The following LIPK variants were observed in gnomAD, a reference collection of about 807,000 sequenced individuals.
LIPK encodes lipase family member K.
Under a neutral mutation model 48.6 loss-of-function variants are expected in LIPK, and 32 were observed. The ratio of observed to expected loss-of-function variants is 0.66; its 90% CI spans 0.50 to 0.88. The LOEUF is 0.88. Ranked by LOEUF, LIPK falls within the 40% of genes least tolerant of loss-of-function variation. The pLI is 0.00. For missense variants in LIPK, 507 were observed against 478.5 expected, an observed-to-expected ratio of 1.06 and a Z score of -0.56; for synonymous variants, 164 against 157.4, an observed-to-expected ratio of 1.04 and a Z score of -0.32.
At chr10:88,739,591 C>T (rs916154745) in intron 7 of LIPK, among the ~76,000 whole-genome samples, 4 of 152,020 alleles carry the variant, frequency 2.6e-5, no homozygotes, top group South Asian at 2.1e-4. Context: ...TGCAGTGGCT[C>T]ACACCTGTAA....
At chr10:88,712,911 A>AT (rs2134684643) in intron 1 of LIPK, among the ~76,000 whole-genome samples, 1 of 152,342 alleles carries the variant, frequency 6.6e-6, no homozygotes, top group East Asian at 1.9e-4. Flanking sequence ...GGTCAGATAT[A>AT]AGGAAACTGA....
chr10:88,712,043 C>T (rs967386066), intron 1 of LIPK, among the ~76,000 whole-genome samples: 1 of 152,092 alleles, frequency 6.6e-6, no homozygotes, highest in Non-Finnish European at 1.5e-5. Flanking sequence ...AATACTTTCT[C>T]ATTGAAATAC....
chr10:88,725,695 C>G (rs1842323380), intron 2 of LIPK, among the ~76,000 whole-genome samples: 1 of 152,202 alleles, frequency 6.6e-6, no homozygotes, highest in Non-Finnish European at 1.5e-5. Flanking sequence ...AATTCCATCT[C>G]AAAGGCCTCT....
At chr10:88,724,010 G>A (rs1842284947) in intron 1 of LIPK, among the ~76,000 whole-genome samples, 1 of 152,030 alleles carries the variant, frequency 6.6e-6, no homozygotes, top group Non-Finnish European at 1.5e-5. Flanking sequence ...TATACCCAGT[G>A]TTTATATACA....
intron 9 of LIPK, among the ~76,000 whole-genome samples, chr10:88,746,770 G>A (rs541748783): frequency 6.6e-6 from 1 of 152,106 alleles, no homozygotes; most frequent in East Asian, 1.9e-4. Flanking sequence ...CAAAATTACA[G>A]CTTAACTGAA....
At chr10:88,723,749 A>G (rs1467911467) in intron 1 of LIPK, among the ~76,000 whole-genome samples, 1 of 152,130 alleles carries the variant, frequency 6.6e-6, no homozygotes, top group Admixed American at 6.5e-5. Context: ...TCTAGATATA[A>G]CTATAATTAA....
chr10:88,708,694 AT>A (rs1285373676), intron 1 of LIPK, among the ~76,000 whole-genome samples: 4 of 152,098 alleles, frequency 2.6e-5, no homozygotes, highest in Non-Finnish European at 5.9e-5. Flanking sequence ...GATGCCTAAT[AT>A]CATCCATTTA....
chr10:88,737,558 C>G (rs754876235), intron 6 of LIPK, 77 bp from the exon 7 acceptor site: 42 of 1,481,356 alleles, frequency 2.8e-5, no homozygotes, highest in Non-Finnish European at 3.8e-5. Context: ...CTGTGCAGTC[C>G]TTCTTTGAAC....
At chr10:88,727,196 C>T (rs1021399069) in intron 3 of LIPK, among the ~76,000 whole-genome samples, 12 of 152,188 alleles carry the variant, frequency 7.9e-5, no homozygotes, top group African/African-American at 2.7e-4. Context: ...ACCTCTGTCC[C>T]GTTTTGAAAA....
intron 9 of LIPK, among the ~76,000 whole-genome samples, 196 bp from the exon 10 acceptor site, chr10:88,752,321 T>C (rs1041386029): frequency 4.9e-4 from 75 of 152,356 alleles, no homozygotes; most frequent in African/African-American, 1.6e-3. Context: ...AATTGTTTTT[T>C]TCGATTCACA....
intron 1 of LIPK, among the ~76,000 whole-genome samples, chr10:88,713,640 C>G (rs1842063637): frequency 6.6e-6 from 1 of 151,996 alleles, no homozygotes; most frequent in Non-Finnish European, 1.5e-5. Context: ...CATCACCACA[C>G]CATGTAAAAA....
chr10:88,725,999 G>C (rs1017285629), intron 2 of LIPK, among the ~76,000 whole-genome samples: 9 of 152,248 alleles, frequency 5.9e-5, no homozygotes, highest in African/African-American at 2.2e-4. Flanking sequence ...CTTCCTCCCT[G>C]TGAAGTCAAC....
At chr10:88,729,257 G>GT (rs753349362) in intron 3 of LIPK, among the ~76,000 whole-genome samples, 17 of 28,784 alleles carry the variant, frequency 5.9e-4, no homozygotes, top group South Asian at 3.2e-3. Context: ...TCTGTTGGGG[G>GT]GGGGGGGCGG....
intron 1 of LIPK, among the ~76,000 whole-genome samples, chr10:88,718,233 C>T (rs949869667): frequency 6.7e-6 from 1 of 150,256 alleles, no homozygotes; most frequent in African/African-American, 2.4e-5. Flanking sequence ...ATGTCTTTCA[C>T]TAATATTATA....
At chr10:88,707,371 G>T (rs1158063523) in intron 1 of LIPK, among the ~76,000 whole-genome samples, 1 of 151,962 alleles carries the variant, frequency 6.6e-6, no homozygotes, top group African/African-American at 2.4e-5. Context: ...TAAGGACATT[G>T]AGGGAAAAAT....
intron 1 of LIPK, among the ~76,000 whole-genome samples, chr10:88,722,026 G>T (rs968194611): frequency 1.3e-5 from 2 of 152,150 alleles, no homozygotes; most frequent in Non-Finnish European, 2.9e-5. Flanking sequence ...GGCCAGGTGC[G>T]GTGGCTCACT....
Position 88,732,552 on chromosome 10 carries a change from G to C in LIPK, c.669+1G>C, listed in dbSNP as rs372561389. 1.9e-6 allele frequency: 3 copies of C among 1,591,610 alleles called. No homozygotes were observed. The African/African-American group carries it at 4.1e-5, about 22-fold the overall frequency. On this transcript the variant is annotated splice_donor_variant, in intron 6 of 9. Coordinates refer to ENST00000404190, the MANE Select transcript of LIPK (RefSeq NM_001080518.2). LOFTEE classifies it high-confidence loss of function. Reference sequence around the variant, plus strand: ...AACCCTTTCCAGGCGAGTAGTTAAGGTATGTGACTTCCCAAGTTTTAATCT... The same window carrying C: ...AACCCTTTCCAGGCGAGTAGTTAAGCTATGTGACTTCCCAAGTTTTAATCT...
rs1564984226 is a variant in LIPK at position 88,732,415 on chromosome 10, C to G, written c.533C>G (p.Ala178Gly). The G allele has an allele frequency of 6.2e-7, 1 of 1,605,968 alleles. No homozygotes were observed. Among genetic ancestry groups the G allele is most frequent in the Non-Finnish European group, 8.5e-7 (1 of 1,177,964 alleles). The change falls in exon 6 of 10, where the codon GCT becomes GGT. Residue 178 changes from alanine (A) to glycine (G), a missense_variant and splice_region_variant. Transcript: ENST00000404190. Reference sequence around the variant, plus strand: ...GAACTACTGTCTTCTTCCATTTCAGCTTTTATAGCATTTTCTACAAACCCA... The same window carrying G: ...GAACTACTGTCTTCTTCCATTTCAGGTTTTATAGCATTTTCTACAAACCCA... Reference protein sequence around the residue: ...YVGHSQGTTIAFIAFSTNPEL... With the variant: ...YVGHSQGTTIGFIAFSTNPEL...
At chr10:88,726,612 T>G (rs947089160) in intron 2 of LIPK, among the ~76,000 whole-genome samples, 183 bp from the exon 3 acceptor site, 4 of 152,170 alleles carry the variant, frequency 2.6e-5, no homozygotes, top group African/African-American at 2.4e-5. Context: ...GAGGATAGCT[T>G]GAGCCGAGGA....
Sources: gnomAD v4.1 joint callset for allele counts (sites outside exome capture counted in the v4.1 genomes callset) on GRCh38, gnomAD v4.1.1 for gene constraint, MANE v1.5 for transcripts, NCBI Gene and HGNC (gene_info 2026-07-23, HGNC 2026-07-21) for gene names.